OR51B5: variants seen among roughly 807,000 people sequenced by gnomAD.
The protein encoded by OR51B5 is olfactory receptor 51B5.
For missense variants in OR51B5, 456 were observed against 374.6 expected, an observed-to-expected ratio of 1.22 and a Z score of -1.79; for synonymous variants, 186 against 144.8, an observed-to-expected ratio of 1.28 and a Z score of -2.04.
chr11:5,472,140 A>G (rs425610), intron 1 of OR51B5, among the ~76,000 whole-genome samples: 132,266 of 152,142 alleles, frequency 0.87, 57,569 homozygotes, highest in African/African-American at 0.91. Context: ...CCAGAGCTGT[A>G]CACGCTCAGA....
chr11:5,440,835 A>G (rs775289416), intron 1 of OR51B5: 3 of 1,613,852 alleles, frequency 1.9e-6, no homozygotes, highest in Non-Finnish European at 2.5e-6. Context: ...GATGACCAGC[A>G]TGGCTCTCAG....
intron 1 of OR51B5, among the ~76,000 whole-genome samples, chr11:5,418,727 G>T (rs915449015): frequency 1.8e-4 from 28 of 151,916 alleles, no homozygotes; most frequent in African/African-American, 6.8e-4. Context: ...CGAGCCTATC[G>T]GGGGATGGGG....
At chr11:5,386,244 G>T (rs17272469) in intron 1 of OR51B5, among the ~76,000 whole-genome samples, 10,474 of 152,024 alleles carry the variant, frequency 0.069, 545 homozygotes, top group Non-Finnish European at 0.1. Context: ...TGATATGGGT[G>T]TGTTGACTGG....
intron 1 of OR51B5, among the ~76,000 whole-genome samples, chr11:5,358,760 G>C (rs545839380): frequency 2.6e-5 from 4 of 152,184 alleles, no homozygotes; most frequent in South Asian, 4.2e-4. Context: ...TACTGGCAAA[G>C]CAAATCCAGC....
rs116479174 is a variant in OR51B5, at chr11:5,390,425, A to G, written n.85-43515T>C. ...CCTAGAGGCCTATAAGAAGGCCCCA[A>G]ATTGGACTGAAAATTTGGAGTATTG... On this transcript the variant is annotated intron_variant and non_coding_transcript_variant, in intron 1 of 4. Coordinates refer to the OR51B5 transcript ENST00000415970. The G allele has an allele frequency of 6.4e-5, 94 of 1,472,070 alleles. No individual in the cohort carries two copies. The African/African-American group carries it at 1.2e-3, about 19-fold the overall frequency. 91.2% of individuals were successfully genotyped at this position (1,472,070 alleles called of 1,614,324 possible).
intron 1 of OR51B5, among the ~76,000 whole-genome samples, chr11:5,483,443 C>G (rs1281410877): frequency 2.1e-5 from 3 of 143,032 alleles, no homozygotes; most frequent in Non-Finnish European, 4.5e-5. Flanking sequence ...ACCAGCATGG[C>G]ACATGTATAC....
chr11:5,354,795 A>C, intron 1 of OR51B5: 1 of 194,294 alleles, frequency 5.1e-6, no homozygotes, highest in East Asian at 1.6e-4. Flanking sequence ...CTGAGACAAA[A>C]GACAAACAGT....
chr11:5,461,353 T>C (rs1851049742), intron 1 of OR51B5, among the ~76,000 whole-genome samples: 1 of 152,020 alleles, frequency 6.6e-6, no homozygotes, highest in South Asian at 2.1e-4. Flanking sequence ...CGGGGGTTGC[T>C]AGCAAAAGAG....
intron 1 of OR51B5, among the ~76,000 whole-genome samples, chr11:5,382,027 T>C (rs1849615767): frequency 6.6e-6 from 1 of 152,208 alleles, no homozygotes; most frequent in African/African-American, 2.4e-5. Flanking sequence ...TTTAAATCCT[T>C]CCTGCATATT....
At chr11:5,366,164 G>A (rs961913611) in intron 1 of OR51B5, among the ~76,000 whole-genome samples, 19 of 152,138 alleles carry the variant, frequency 1.2e-4, no homozygotes, top group African/African-American at 4.3e-4. Flanking sequence ...ATGTGAAGAG[G>A]ATAGAGCAAG....
At chr11:5,385,864 GTATT>G (rs58099704) in intron 1 of OR51B5, among the ~76,000 whole-genome samples, 28,575 of 148,246 alleles carry the variant, frequency 0.19, 2,985 homozygotes, top group East Asian at 0.38. Context: ...ATTCTATAAA[GTATT>G]TATGAGTAAA....
At chr11:5,461,003 G>A (rs985787695) in intron 1 of OR51B5, among the ~76,000 whole-genome samples, 8 of 152,206 alleles carry the variant, frequency 5.3e-5, no homozygotes, top group Non-Finnish European at 8.8e-5. Context: ...GACAGGGGCT[G>A]CCAGCAAAAG....
chr11:5,370,842 G>A (rs1849436899), intron 1 of OR51B5, among the ~76,000 whole-genome samples: 1 of 152,226 alleles, frequency 6.6e-6, no homozygotes, highest in Admixed American at 6.5e-5. Flanking sequence ...GTAAGCTAGT[G>A]TGACAAATGC....
chr11:5,412,443 G>A (rs1006333551), intron 1 of OR51B5, among the ~76,000 whole-genome samples: 3 of 152,158 alleles, frequency 2.0e-5, no homozygotes, highest in Non-Finnish European at 4.4e-5. Flanking sequence ...GTGGGCGCAG[G>A]TCAGTGGGTG....
At chr11:5,419,946 T>C (rs575713477) in intron 1 of OR51B5, among the ~76,000 whole-genome samples, 1 of 151,674 alleles carries the variant, frequency 6.6e-6, no homozygotes, top group Admixed American at 6.6e-5. Flanking sequence ...AGATTATAAT[T>C]AGAGCTTATG....
At chr11:5,348,709 C>T (rs532668731) in intron 1 of OR51B5, among the ~76,000 whole-genome samples, 1 of 152,064 alleles carries the variant, frequency 6.6e-6, no homozygotes, top group African/African-American at 2.4e-5. Context: ...TTAGATAGTA[C>T]CCACCCAGAC....
chr11:5,418,497 C>T (rs569645687), intron 1 of OR51B5, among the ~76,000 whole-genome samples: 15 of 151,346 alleles, frequency 9.9e-5, no homozygotes, highest in African/African-American at 3.4e-4. Context: ...CATCAGTGAT[C>T]GACTGGATTA....
chr11:5,428,936 A>G (rs1402291538), intron 1 of OR51B5, among the ~76,000 whole-genome samples: 5 of 152,172 alleles, frequency 3.3e-5, no homozygotes, highest in Non-Finnish European at 7.3e-5. Context: ...TACTGCTTCA[A>G]AGTGATGTGG....
In OR51B5 at chr11:5,489,043, C is replaced by G. The variant is rs752872827; in HGVS notation, n.84+16526G>C. The stretch of plus-strand genomic sequence containing the variant: ...GTTTTGTGTCCATTCTATCTATGCT[C>G]TGGAGTCCTCAATTCTACTTGCCAT... On this transcript the variant is annotated intron_variant and non_coding_transcript_variant, in intron 1 of 4. Coordinates refer to the OR51B5 transcript ENST00000415970. 5 of 1,614,068 alleles carry G rather than the reference C, an allele frequency of 3.1e-6. No individual in the cohort carries two copies. In the Admixed American group the frequency reaches 8.3e-5, roughly 27 times the overall value.
Sources: allele counts gnomAD v4.1 joint callset (sites outside exome capture counted in the v4.1 genomes callset), GRCh38; gene constraint gnomAD v4.1.1; transcripts MANE v1.5; gene names NCBI Gene and HGNC (gene_info 2026-07-23, HGNC 2026-07-21).